Variants in ZBTB20 observed in about 807,000 individuals in gnomAD.
ZBTB20 encodes the protein zinc finger and BTB domain-containing protein 20.
ZBTB20 carries 9 observed loss-of-function variants against 56.9 expected under a neutral mutation model. The ratio of observed to expected loss-of-function variants is 0.16; its 90% CI spans 0.10 to 0.28. ZBTB20 has a LOEUF of 0.28. Among genes scored for constraint, ZBTB20 ranks in the 10% least tolerant of loss-of-function variants. The probability of loss-of-function intolerance (pLI) is 1.00; values close to 1 mark genes in which losing one functional copy is unlikely to be tolerated. For synonymous variants in ZBTB20, 417 were observed against 420.7 expected, an observed-to-expected ratio of 0.99 and a Z score of 0.11; for missense variants, 655 against 1,003.0, an observed-to-expected ratio of 0.65 and a Z score of 4.69.
chr3:114,946,765 T>A (rs1282394089), intron 3 of ZBTB20, among the ~76,000 whole-genome samples: 1 of 145,642 alleles, frequency 6.9e-6, no homozygotes, highest in Non-Finnish European at 1.5e-5. Flanking sequence ...AATTCATTAA[T>A]AAGACACCAA....
At chr3:114,550,551 T>G (rs1222229374) in intron 6 of ZBTB20, among the ~76,000 whole-genome samples, 1 of 152,198 alleles carries the variant, frequency 6.6e-6, no homozygotes, top group Non-Finnish European at 1.5e-5. Flanking sequence ...GATGGCAAGT[T>G]AATAAGTGCA....
chr3:114,389,315 C>T lies in ZBTB20; in HGVS notation c.-254-210G>A, dbSNP rs917838902. Among the ~76,000 whole-genome samples, 3 of 152,090 alleles carry T rather than the reference C, an allele frequency of 2.0e-5. No homozygotes were observed. The East Asian group carries it at 5.8e-4, about 29-fold the overall frequency. On this transcript the variant is annotated intron_variant, in intron 7 of 11. Transcript: ENST00000675478. ...ATTTTCAGTGCTTTCACCTAACTGC[C>T]TGTGCAGCCTGGGACATCAACAGTA...
In ZBTB20 at chr3:114,415,978, T is replaced by C. The variant is rs2088505419; in HGVS notation, c.-254-26873A>G. Among the ~76,000 whole-genome samples the C allele has an allele frequency of 2.6e-5, 4 of 152,070 alleles. No individual in the cohort carries two copies. The South Asian group carries it at 8.3e-4, about 32-fold the overall frequency. On this transcript the variant is annotated intron_variant, in intron 7 of 11. Coordinates refer to ENST00000675478, the MANE Select transcript of ZBTB20 (RefSeq NM_001348800.3). ...TCATCAAATCCCTACAACATTCAGT[T>C]GGGATATGAAAATTACAGATATTTT...
chr3:115,034,359 C>T (rs2080827965), intron 2 of ZBTB20, among the ~76,000 whole-genome samples: 1 of 150,980 alleles, frequency 6.6e-6, no homozygotes, highest in Non-Finnish European at 1.5e-5. Context: ...AAAAAAAAAC[C>T]CTGTTAGAAC....
At chr3:114,344,043 C>T (rs1175049934) in intron 11 of ZBTB20, among the ~76,000 whole-genome samples, 1 of 148,306 alleles carries the variant, frequency 6.7e-6, no homozygotes, top group Non-Finnish European at 1.5e-5. Context: ...AGTGAGACTC[C>T]ATCTCAAAAA....
chr3:114,461,303 C>A lies in ZBTB20; in HGVS notation c.-255+39049G>T, dbSNP rs868841544. ...ACAAACAAAACAATCTCCTCCCCCC[C>A]CCCTCTTTTTTTTTGAGACAGGGTC... is the stretch of plus-strand genomic sequence containing the variant. On this transcript the variant is annotated intron_variant, in intron 7 of 11. Coordinates refer to ENST00000675478, the MANE Select transcript of ZBTB20 (RefSeq NM_001348800.3). 1.9e-4 allele frequency among the ~76,000 whole-genome samples: 29 copies of A among 151,388 alleles called. 1 individual carries two copies. The highest frequency in any genetic ancestry group is 1.6e-3 in the East Asian group (8 of 5,118).
intron 11 of ZBTB20, among the ~76,000 whole-genome samples, chr3:114,340,119 C>T (rs973766491): frequency 7.9e-5 from 12 of 152,086 alleles, no homozygotes; most frequent in African/African-American, 1.9e-4. Context: ...TTGGCCTCAT[C>T]GGGTGTAGAG....
chr3:114,711,331 A>G (rs189953780), intron 5 of ZBTB20, among the ~76,000 whole-genome samples: 47 of 152,342 alleles, frequency 3.1e-4, no homozygotes, highest in Admixed American at 9.8e-4. Flanking sequence ...CTTGATAGCT[A>G]TTAAATGACT....
At chr3:114,827,746 GTTC>G (rs1158360223) in intron 4 of ZBTB20, among the ~76,000 whole-genome samples, 2 of 151,762 alleles carry the variant, frequency 1.3e-5, no homozygotes, top group African/African-American at 4.8e-5. Context: ...TGACTTCTCA[GTTC>G]TTCAATAAGA....
At chr3:114,715,134 C>T (rs991979030) in intron 5 of ZBTB20, among the ~76,000 whole-genome samples, 3 of 152,196 alleles carry the variant, frequency 2.0e-5, no homozygotes, top group Non-Finnish European at 4.4e-5. Context: ...GTATCACATG[C>T]CATTCTGCTA....
intron 6 of ZBTB20, among the ~76,000 whole-genome samples, chr3:114,646,581 A>G (rs146545720): frequency 2.0e-5 from 3 of 152,350 alleles, no homozygotes; most frequent in African/African-American, 7.2e-5. Context: ...CTCATTGTAT[A>G]TTGGAGAGTT....
chr3:114,560,521 C>G (rs1027435548), intron 6 of ZBTB20, among the ~76,000 whole-genome samples: 2 of 152,138 alleles, frequency 1.3e-5, no homozygotes, highest in African/African-American at 4.8e-5. Context: ...GGGGTAAAAC[C>G]AAGATTCATA....
chr3:115,130,580 TAGA>T (rs1459796179), intron 1 of ZBTB20, among the ~76,000 whole-genome samples: 1 of 152,174 alleles, frequency 6.6e-6, no homozygotes, highest in African/African-American at 2.4e-5. Context: ...CCTGAAATGC[TAGA>T]AGAACATCTG....
intron 5 of ZBTB20, among the ~76,000 whole-genome samples, chr3:114,758,260 T>C (rs1358841626): frequency 1.3e-5 from 2 of 152,132 alleles, no homozygotes; most frequent in African/African-American, 2.4e-5. Flanking sequence ...CATATTTCTA[T>C]GTATTTAAAT....
At chr3:114,344,122 C>A (rs1461556243) in intron 11 of ZBTB20, among the ~76,000 whole-genome samples, 1 of 152,210 alleles carries the variant, frequency 6.6e-6, no homozygotes, top group Non-Finnish European at 1.5e-5. Context: ...TGTTCATTCC[C>A]TGGGATGTGA....
intron 6 of ZBTB20, among the ~76,000 whole-genome samples, chr3:114,541,471 G>A (rs1449744720): frequency 6.6e-6 from 1 of 152,044 alleles, no homozygotes; most frequent in African/African-American, 2.4e-5. Flanking sequence ...CAATATGGCT[G>A]GAAAAGTGTG....
chr3:114,606,457 T>C (rs1407808792), intron 6 of ZBTB20, among the ~76,000 whole-genome samples: 2 of 152,168 alleles, frequency 1.3e-5, no homozygotes, highest in South Asian at 4.1e-4. Context: ...CTTAAGGATG[T>C]CTGGCATAGC....
chr3:114,563,161 C>CCTGGGT, intron 6 of ZBTB20, among the ~76,000 whole-genome samples: 1 of 152,222 alleles, frequency 6.6e-6, no homozygotes. Context: ...ATCCTATTTT[C>CCTGGGT]AATACAAAGA....
intron 2 of ZBTB20, among the ~76,000 whole-genome samples, chr3:115,014,684 T>C (rs1446567295): frequency 1.3e-5 from 2 of 151,770 alleles, no homozygotes; most frequent in Non-Finnish European, 2.9e-5. Context: ...AGTGCTCTTA[T>C]GGATCTTAGG....
Sources: gnomAD v4.1 joint callset for allele counts (sites outside exome capture counted in the v4.1 genomes callset) on GRCh38, gnomAD v4.1.1 for gene constraint, MANE v1.5 for transcripts, NCBI Gene and HGNC (gene_info 2026-07-23, HGNC 2026-07-21) for gene names.